EVI5: variants seen among roughly 807,000 people sequenced by gnomAD.
EVI5 encodes ecotropic viral integration site 5.
Under a neutral mutation model 112.0 loss-of-function variants are expected in EVI5, and 73 were observed. The observed-to-expected ratio is 0.65, with a 90% confidence interval of 0.54 to 0.79. The LOEUF (loss-of-function observed/expected upper bound fraction) is 0.79, where lower values mean the gene tolerates loss of function less well. Ranked by LOEUF, EVI5 falls within the 30% of genes least tolerant of loss-of-function variation. The probability of loss-of-function intolerance (pLI) is 0.00; values close to 1 mark genes in which losing one functional copy is unlikely to be tolerated. For missense variants in EVI5, 900 were observed against 968.8 expected (o/e 0.93, Z 0.94); for synonymous variants, 305 against 319.9 (o/e 0.95, Z 0.50).
At chr1:92,521,503 C>A (rs1008354641) in intron 19 of EVI5, among the ~76,000 whole-genome samples, 1 of 152,056 alleles carries the variant, frequency 6.6e-6, no homozygotes, top group African/African-American at 2.4e-5. Context: ...CCAGCCTGGC[C>A]AACATGTTGA....
At chr1:92,568,756 C>T (rs1446953675) in intron 18 of EVI5, among the ~76,000 whole-genome samples, 1 of 152,178 alleles carries the variant, frequency 6.6e-6, no homozygotes, top group South Asian at 2.1e-4. Context: ...TGAAGACTGT[C>T]GCCATGATCC....
In EVI5 at chr1:92,784,931, C is replaced by G; in HGVS notation, c.-177G>C. 3 of 986,292 alleles carry G rather than the reference C, an allele frequency of 3.0e-6. No homozygotes were observed. The highest frequency in any genetic ancestry group is 3.6e-6 in the Non-Finnish European group (3 of 830,654). 61.1% of individuals were successfully genotyped at this position (986,292 alleles called of 1,614,324 possible). ...CTCAGCGCCTCGGCCCCGCTCCTGG[C>G]TCCACGGGTCGCCCGTCCCGAGTTC... is the stretch of plus-strand genomic sequence containing the variant. On this transcript the variant is annotated 5_prime_UTR_variant, in exon 1 of 20. Coordinates refer to ENST00000684568, the MANE Select transcript of EVI5 (RefSeq NM_001350197.2).
chr1:92,675,872 C>T (rs1002521824), intron 10 of EVI5, among the ~76,000 whole-genome samples: 10 of 150,692 alleles, frequency 6.6e-5, no homozygotes, highest in South Asian at 4.2e-4. Flanking sequence ...AGGAGAATGG[C>T]GTGCACCTGG....
At chr1:92,613,035 G>A (rs1457766409) in intron 16 of EVI5, among the ~76,000 whole-genome samples, 1 of 152,220 alleles carries the variant, frequency 6.6e-6, no homozygotes, top group Non-Finnish European at 1.5e-5. Flanking sequence ...CAGGACTCAA[G>A]AAGGGGAATA....
chr1:92,635,954 G>C (rs1051735774), intron 14 of EVI5, among the ~76,000 whole-genome samples: 10 of 152,032 alleles, frequency 6.6e-5, no homozygotes, highest in African/African-American at 2.4e-4. Flanking sequence ...AATTATTCTG[G>C]TCGTTTTCCT....
At chr1:92,572,668 T>G (rs1670487911) in intron 18 of EVI5, among the ~76,000 whole-genome samples, 1 of 152,116 alleles carries the variant, frequency 6.6e-6, no homozygotes, top group Non-Finnish European at 1.5e-5. Flanking sequence ...GATACCACCC[T>G]AACTCCATGG....
chr1:92,628,773 C>T (rs1305577608), intron 14 of EVI5, among the ~76,000 whole-genome samples: 3 of 152,310 alleles, frequency 2.0e-5, no homozygotes, highest in East Asian at 1.9e-4. Context: ...AAATATTTCA[C>T]GGTACACATG....
chr1:92,756,544 C>A, intron 1 of EVI5: 1 of 522,156 alleles, frequency 1.9e-6, no homozygotes, highest in South Asian at 1.4e-5. Context: ...TACTGAACAG[C>A]TATTGACTGC....
intron 16 of EVI5, among the ~76,000 whole-genome samples, chr1:92,613,731 G>A (rs537312696): frequency 6.6e-6 from 1 of 152,212 alleles, no homozygotes; most frequent in African/African-American, 2.4e-5. Context: ...TGGGACTACA[G>A]GCACATACTA....
rs535036609 is a variant in EVI5, at chr1:92,784,974, A to G, written c.-220T>C. On this transcript the variant is annotated 5_prime_UTR_variant, in exon 1 of 20. Transcript: ENST00000684568. ...CCGAGTTCCCAAAAGCACCACGCTC[A>G]CTCAGAAGCTCAGGGCCGCCTCGCG... is the stretch of plus-strand genomic sequence containing the variant. The G allele has an allele frequency of 2.8e-4, 273 of 985,236 alleles. 1 individual carries two copies. The African/African-American group carries it at 4.6e-3, about 17-fold the overall frequency. 61.0% of individuals were successfully genotyped at this position (985,236 alleles called of 1,614,324 possible). A position where few individuals can be genotyped will look rare whatever the true frequency, so the allele number is the denominator to read the frequency against.
intron 14 of EVI5, among the ~76,000 whole-genome samples, chr1:92,631,022 C>G (rs1338503037): frequency 6.6e-6 from 1 of 152,104 alleles, no homozygotes; most frequent in Non-Finnish European, 1.5e-5. Context: ...TTGGTCTGTT[C>G]TGTTCCATTG....
At chr1:92,542,104 A>G (rs1342482950) in intron 19 of EVI5, among the ~76,000 whole-genome samples, 4 of 152,242 alleles carry the variant, frequency 2.6e-5, no homozygotes, top group Non-Finnish European at 2.9e-5. Context: ...GCTGTTTGAT[A>G]GCATTTTACT....
chr1:92,630,842 T>A (rs1225173991), intron 14 of EVI5, among the ~76,000 whole-genome samples: 1 of 152,190 alleles, frequency 6.6e-6, no homozygotes, highest in East Asian at 1.9e-4. Context: ...AATTAATTTT[T>A]GTATAAGGTG....
intron 5 of EVI5, among the ~76,000 whole-genome samples, chr1:92,698,418 A>G (rs1475727538): frequency 6.6e-6 from 1 of 152,224 alleles, no homozygotes; most frequent in East Asian, 1.9e-4. Flanking sequence ...AAAATAAAGT[A>G]GGGAATGCTG....
intron 1 of EVI5, among the ~76,000 whole-genome samples, chr1:92,742,173 A>G (rs891101820): frequency 1.3e-5 from 2 of 152,112 alleles, no homozygotes; most frequent in African/African-American, 4.8e-5. Context: ...CATTTCCCCA[A>G]AGAAGATATA....
upstream of EVI5, among the ~76,000 whole-genome samples, chr1:92,785,956 T>G (rs1258783215): frequency 6.6e-6 from 1 of 150,894 alleles, no homozygotes; most frequent in African/African-American, 2.4e-5. Context: ...CGTCGTGGCG[T>G]GCGCCTGTAC....
intron 18 of EVI5, among the ~76,000 whole-genome samples, chr1:92,591,196 C>A (rs1259533730): frequency 1.3e-5 from 2 of 152,182 alleles, no homozygotes; most frequent in South Asian, 2.1e-4. Context: ...TAGGAAGAAA[C>A]TGCATCAACT....
rs201615247 is a variant in EVI5, at chr1:92,509,300, G to C, written c.*4356C>G. 1 of 152,728 alleles carries C rather than the reference G, an allele frequency of 6.5e-6. No homozygotes were observed. 9.5% of individuals were successfully genotyped at this position (152,728 alleles called of 1,614,324 possible). ...AAGGCACTATCTGGAGAGTTAACAA[G>C]CTGCATCATGTTCAGAATTGAGAAA... On this transcript the variant is annotated 3_prime_UTR_variant, in exon 20 of 20. Coordinates refer to ENST00000684568, the MANE Select transcript of EVI5 (RefSeq NM_001350197.2).
At chr1:92,549,067 T>G (rs1666314590) in intron 19 of EVI5, among the ~76,000 whole-genome samples, 1 of 152,136 alleles carries the variant, frequency 6.6e-6, no homozygotes, top group Admixed American at 6.5e-5. Context: ...AGAACAAAGC[T>G]GGAGGCATCA....
Sources: gnomAD v4.1 joint callset for allele counts (sites outside exome capture counted in the v4.1 genomes callset) on GRCh38, gnomAD v4.1.1 for gene constraint, MANE v1.5 for transcripts, NCBI Gene and HGNC (gene_info 2026-07-23, HGNC 2026-07-21) for gene names.